The following TRAK1 variants were observed in gnomAD, a reference collection of about 807,000 sequenced individuals.
The protein encoded by TRAK1 is trafficking kinesin protein 1.
A neutral mutation model predicts 92.1 loss-of-function variants in TRAK1; 33 were observed. The observed-to-expected ratio is 0.36, with a 90% CI of 0.27 to 0.48. The LOEUF (loss-of-function observed/expected upper bound fraction) is 0.48, where lower values mean the gene tolerates loss of function less well. Ranked by LOEUF, TRAK1 falls within the 20% of genes least tolerant of loss-of-function variation. The pLI, the probability that TRAK1 is intolerant of heterozygous loss-of-function variation, is 0.99. For missense variants in TRAK1, 1,123 were observed against 1,257.9 expected (o/e 0.89, Z 1.62); for synonymous variants, 521 against 517.3 (o/e 1.01, Z -0.10).
intron 1 of TRAK1, among the ~76,000 whole-genome samples, chr3:42,062,702 A>G (rs1386402866): frequency 1.3e-5 from 2 of 152,186 alleles, no homozygotes; most frequent in Non-Finnish European, 2.9e-5. Flanking sequence ...AAAGCAAAAC[A>G]AGGATAGGTC....
intron 13 of TRAK1, chr3:42,203,093 T>A (rs1576994720): frequency 8.1e-7 from 1 of 1,231,810 alleles, no homozygotes; most frequent in Non-Finnish European, 1.0e-6. Context: ...GATTCAAAAA[T>A]TAATTAGGTT....
chr3:42,150,847 G>T (rs1699874907), intron 2 of TRAK1, among the ~76,000 whole-genome samples: 1 of 152,186 alleles, frequency 6.6e-6, no homozygotes, highest in African/African-American at 2.4e-5. Flanking sequence ...GAGTAACAAG[G>T]ATTGGAGGCA....
intron 2 of TRAK1, among the ~76,000 whole-genome samples, chr3:42,172,661 C>G (rs563938839): frequency 7.7e-4 from 117 of 152,318 alleles, no homozygotes; most frequent in Non-Finnish European, 1.5e-3. Flanking sequence ...GCCCCATCCT[C>G]CAGGCTGCCC....
chr3:42,032,480 GA>G (rs57423237), intron 1 of TRAK1, among the ~76,000 whole-genome samples: 20,376 of 120,780 alleles, frequency 0.17, 2,652 homozygotes, highest in African/African-American at 0.37. Flanking sequence ...GGGTCAACCT[GA>G]AAAAAAAAAA....
At chr3:42,189,650 C>A (rs1313354476) in intron 6 of TRAK1, among the ~76,000 whole-genome samples, 1 of 152,052 alleles carries the variant, frequency 6.6e-6, no homozygotes, top group Non-Finnish European at 1.5e-5. Context: ...CCTGTCTTAG[C>A]CTCCTGAGTA....
intron 2 of TRAK1, among the ~76,000 whole-genome samples, chr3:42,176,199 G>A (rs1703187442): frequency 6.6e-6 from 1 of 152,168 alleles, no homozygotes; most frequent in Admixed American, 6.5e-5. Flanking sequence ...GTGTGTGTGT[G>A]TGCAATCATA....
At chr3:42,048,228 G>A (rs1374404593) in intron 1 of TRAK1, among the ~76,000 whole-genome samples, 6 of 152,022 alleles carry the variant, frequency 3.9e-5, no homozygotes, top group Non-Finnish European at 5.9e-5. Context: ...GAGATAGGCC[G>A]TTGAACCTGT....
At chr3:42,157,506 A>C (rs1700700769) in intron 2 of TRAK1, among the ~76,000 whole-genome samples, 1 of 135,184 alleles carries the variant, frequency 7.4e-6, no homozygotes, top group African/African-American at 2.7e-5. Context: ...CATTGGCAGT[A>C]GTGGGACCGC....
chr3:42,039,169 C>T (rs184440892), intron 1 of TRAK1, among the ~76,000 whole-genome samples: 1 of 152,188 alleles, frequency 6.6e-6, no homozygotes, highest in Admixed American at 6.5e-5. Flanking sequence ...TTCATGTAAA[C>T]GGAATCATAT....
rs578184871 is a variant in TRAK1 at position 42,207,743 on chromosome 3, G to A, written c.1745-2024G>A. ...GGTCTCTGCAGGTCTGCGAAGCCCC[G>A]GCGTTGTTTGCACAGTGTTGCTAGC... On this transcript the variant is annotated intron_variant, in intron 13 of 15. Transcript: ENST00000327628. 1.6e-4 allele frequency among the ~76,000 whole-genome samples: 24 copies of A among 152,268 alleles called. 1 individual carries two copies. In the South Asian group the frequency reaches 3.9e-3, roughly 25 times the overall value.
chr3:42,148,307 A>AGC (rs1266179256), intron 2 of TRAK1, among the ~76,000 whole-genome samples: 1 of 152,188 alleles, frequency 6.6e-6, no homozygotes, highest in Non-Finnish European at 1.5e-5. Flanking sequence ...AGCCTTCCAC[A>AGC]GCAAGAATTA....
chr3:42,109,549 T>C (rs1484237177), intron 1 of TRAK1, among the ~76,000 whole-genome samples: 3 of 152,218 alleles, frequency 2.0e-5, no homozygotes, highest in African/African-American at 7.2e-5. Flanking sequence ...GCTAGAACTA[T>C]AAGGAAAATG....
chr3:42,125,632 T>G lies in TRAK1; in HGVS notation c.286+18T>G. The G allele has an allele frequency of 6.2e-7, 1 of 1,612,740 alleles. No individual in the cohort carries two copies. The highest frequency in any genetic ancestry group is 8.5e-7 in the Non-Finnish European group (1 of 1,178,892). On this transcript the variant is annotated intron_variant, in intron 2 of 15. Coordinates refer to ENST00000327628, the MANE Select transcript of TRAK1 (RefSeq NM_001042646.3). Reference sequence around the variant, plus strand: ...ATACTTCCGTAAGTAGTTGTCCATGTGTGTTGTGATGGCAGTATCATGATC... The same window carrying G: ...ATACTTCCGTAAGTAGTTGTCCATGGGTGTTGTGATGGCAGTATCATGATC...
chr3:42,181,539 A>C (rs904024197), intron 3 of TRAK1, among the ~76,000 whole-genome samples: 4 of 152,200 alleles, frequency 2.6e-5, no homozygotes, highest in African/African-American at 9.7e-5. Context: ...TCGAGACTCC[A>C]TATCAAAAAC....
chr3:42,185,994 TTTTTTTG>T (rs1442297910), intron 4 of TRAK1, among the ~76,000 whole-genome samples: 718 of 33,342 alleles, frequency 0.022, 59 homozygotes, highest in East Asian at 0.18. Context: ...TTTTTTTTTT[TTTTTTTG>T]AGATAAGGTC....
chr3:42,170,826 T>C (rs1307325011), intron 2 of TRAK1, among the ~76,000 whole-genome samples: 2 of 140,990 alleles, frequency 1.4e-5, no homozygotes, highest in Non-Finnish European at 3.0e-5. Flanking sequence ...TTGAATATCT[T>C]TTTTTTTTTT....
At chr3:42,020,078 G>A (rs909352520) in intron 1 of TRAK1, among the ~76,000 whole-genome samples, 12 of 152,194 alleles carry the variant, frequency 7.9e-5, no homozygotes, top group Admixed American at 6.5e-5. Context: ...CCAGGTGGCC[G>A]TGTTCTGGCT....
intron 1 of TRAK1, among the ~76,000 whole-genome samples, chr3:42,114,076 A>G (rs1349329359): frequency 6.6e-6 from 1 of 152,166 alleles, no homozygotes; most frequent in Non-Finnish European, 1.5e-5. Context: ...GAATGGAATC[A>G]TTCAATATGT....
chr3:42,116,155 G>A (rs533345925), intron 1 of TRAK1, among the ~76,000 whole-genome samples: 1 of 152,238 alleles, frequency 6.6e-6, no homozygotes, highest in Non-Finnish European at 1.5e-5. Context: ...AGGTGCTGTC[G>A]CTACATCCCG....
Sources: gnomAD v4.1 joint callset for allele counts (sites outside exome capture counted in the v4.1 genomes callset) on GRCh38, gnomAD v4.1.1 for gene constraint, MANE v1.5 for transcripts, NCBI Gene and HGNC (gene_info 2026-07-23, HGNC 2026-07-21) for gene names.